TSEN15: variants seen among roughly 807,000 people sequenced by gnomAD.
The protein encoded by TSEN15 is tRNA splicing endonuclease subunit 15, also known as tRNA-splicing endonuclease subunit Sen15.
A neutral mutation model predicts 20.5 loss-of-function variants in TSEN15; 10 were observed. That is an observed-to-expected ratio of 0.49 (90% CI 0.30 to 0.83). The LOEUF (loss-of-function observed/expected upper bound fraction) is 0.83, where lower values mean the gene tolerates loss of function less well. Among genes scored for constraint, TSEN15 ranks in the 40% least tolerant of loss-of-function variants. TSEN15 has a pLI of 0.06. For missense variants in TSEN15, 180 were observed against 218.6 expected, an observed-to-expected ratio of 0.82 and a Z score of 1.11; for synonymous variants, 72 against 80.1, an observed-to-expected ratio of 0.90 and a Z score of 0.54.
chr1:184,062,299 A>G (rs1410868875), intron 3 of TSEN15, among the ~76,000 whole-genome samples: 1 of 152,134 alleles, frequency 6.6e-6, no homozygotes, highest in Non-Finnish European at 1.5e-5. Flanking sequence ...GCTAAATTGA[A>G]TCTAAGGAAT....
intron 3 of TSEN15, among the ~76,000 whole-genome samples, chr1:184,086,714 G>A (rs1224649818): frequency 1.3e-5 from 2 of 152,162 alleles, no homozygotes; most frequent in African/African-American, 2.4e-5. Flanking sequence ...TTCACTCAGA[G>A]CGAATGACCA....
At chr1:184,087,134 T>C (rs1651276702) in intron 3 of TSEN15, among the ~76,000 whole-genome samples, 1 of 152,130 alleles carries the variant, frequency 6.6e-6, no homozygotes, top group Non-Finnish European at 1.5e-5. Flanking sequence ...ATCTAGAACA[T>C]AATGCAAGCC....
chr1:184,082,736 G>A (rs1253076170), intron 3 of TSEN15, among the ~76,000 whole-genome samples: 3 of 152,072 alleles, frequency 2.0e-5, no homozygotes, highest in African/African-American at 7.2e-5. Context: ...TTAGGGGTAG[G>A]AAAAACTGAT....
chr1:184,052,771 G>T (rs1650102256), intron 1 of TSEN15, among the ~76,000 whole-genome samples: 1 of 152,106 alleles, frequency 6.6e-6, no homozygotes, highest in South Asian at 2.1e-4. Flanking sequence ...ACAATAGCAT[G>T]GAAATATTAT....
At chr1:184,066,550 C>T (rs535242970) in intron 3 of TSEN15, among the ~76,000 whole-genome samples, 43 of 151,988 alleles carry the variant, frequency 2.8e-4, no homozygotes, top group Middle Eastern at 3.4e-3. Context: ...GGACTACAGG[C>T]GCATACCACC....
intron 3 of TSEN15, among the ~76,000 whole-genome samples, chr1:184,070,321 G>A (rs1650836933): frequency 6.6e-6 from 1 of 151,994 alleles, no homozygotes; most frequent in Non-Finnish European, 1.5e-5. Context: ...TTAAAGTTGT[G>A]TTAACAGGCT....
At chr1:184,086,197 C>T (rs558434145) in intron 3 of TSEN15, among the ~76,000 whole-genome samples, 1 of 152,150 alleles carries the variant, frequency 6.6e-6, no homozygotes, top group Middle Eastern at 3.4e-3. Flanking sequence ...ACACAAAGTT[C>T]AAAATGTATT....
At chr1:184,087,668 T>C (rs576394155) in intron 3 of TSEN15, among the ~76,000 whole-genome samples, 1 of 152,170 alleles carries the variant, frequency 6.6e-6, no homozygotes, top group Non-Finnish European at 1.5e-5. Context: ...ACACTAAAGA[T>C]GGAGAGGAGC....
rs908390416 is a variant in TSEN15 at position 184,073,283 on chromosome 1, G to A, written c.*436G>A. 3 of 156,982 alleles carry A rather than the reference G, an allele frequency of 1.9e-5. No individual in the cohort carries two copies. Among genetic ancestry groups the A allele is most frequent in the African/African-American group, 4.8e-5 (2 of 41,686 alleles). 9.7% of individuals were successfully genotyped at this position (156,982 alleles called of 1,614,324 possible). ...GCTACCGTAGAATGGCATTTTATAT[G>A]TACCTTGTCACCCACTTCTGTTTAC... On this transcript the variant is annotated 3_prime_UTR_variant, in exon 5 of 5. Transcript: ENST00000645668.
chr1:184,064,938 A>C (rs1236368304), intron 3 of TSEN15, among the ~76,000 whole-genome samples: 1 of 152,192 alleles, frequency 6.6e-6, no homozygotes, highest in Non-Finnish European at 1.5e-5. Flanking sequence ...TCATCGATAT[A>C]CTGATGACTC....
chr1:184,094,751 A>G (rs193006148), intron 3 of TSEN15: 3 of 340,400 alleles, frequency 8.8e-6, no homozygotes, highest in East Asian at 8.9e-5. Context: ...TTCCCACCAC[A>G]CTGCCTGCCA....
At chr1:184,076,752 G>C (rs1187614371), downstream of TSEN15, among the ~76,000 whole-genome samples, 2 of 152,150 alleles carry the variant, frequency 1.3e-5, no homozygotes, top group Non-Finnish European at 2.9e-5. Flanking sequence ...TATGGAGAAA[G>C]TTTGAGTGGT....
rs553865547 is a variant in TSEN15, at chr1:184,071,568, G to A, written c.354-589G>A. ...GAATCAAGTTAGTATTAAGCTGAGA[G>A]AAATTGTGATAAACTAAGACGCAAT... On this transcript the variant is annotated intron_variant, in intron 3 of 4. Transcript: ENST00000645668. 7.2e-5 allele frequency among the ~76,000 whole-genome samples: 11 copies of A among 151,912 alleles called. 1 individual carries two copies. The highest frequency in any genetic ancestry group is 4.2e-4 in the South Asian group (2 of 4,814).
At chr1:184,087,456 C>T (rs1253238625) in intron 3 of TSEN15, among the ~76,000 whole-genome samples, 1 of 152,176 alleles carries the variant, frequency 6.6e-6, no homozygotes, top group Non-Finnish European at 1.5e-5. Flanking sequence ...CACCAAGAAC[C>T]ATAATCTGTA....
rs566040767 is a variant in TSEN15 at position 184,061,038 on chromosome 1, T to C, written c.353+6175T>C. 1.5e-3 allele frequency among the ~76,000 whole-genome samples: 225 copies of C among 152,334 alleles called. 2 individuals are homozygous for C. The highest frequency in any genetic ancestry group is 0.014 in the Middle Eastern group (4 of 294). On this transcript the variant is annotated intron_variant, in intron 3 of 4. Transcript: ENST00000645668. Reference sequence around the variant, plus strand: ...CCAAAATAGCCATTATTCTTTCTTTTATAGTAATAATGGGCTTTGGCCCAT... The same window carrying C: ...CCAAAATAGCCATTATTCTTTCTTTCATAGTAATAATGGGCTTTGGCCCAT...
intron 3 of TSEN15, among the ~76,000 whole-genome samples, chr1:184,087,200 T>C (rs945443664): frequency 6.6e-6 from 1 of 152,168 alleles, no homozygotes; most frequent in Non-Finnish European, 1.5e-5. Context: ...AAAAAGAAAA[T>C]ACATAATTTT....
chr1:184,070,223 T>C (rs1650833696), intron 3 of TSEN15, among the ~76,000 whole-genome samples: 1 of 151,964 alleles, frequency 6.6e-6, no homozygotes. Flanking sequence ...CCATATAGTT[T>C]TCCTTAGTGA....
At chr1:184,084,797 C>T (rs188556976) in intron 3 of TSEN15, among the ~76,000 whole-genome samples, 31 of 152,086 alleles carry the variant, frequency 2.0e-4, no homozygotes, top group Non-Finnish European at 1.8e-4. Flanking sequence ...GTCTAATCAC[C>T]TCTTAAATAT....
chr1:184,091,352 A>G (rs947838155), intron 3 of TSEN15, among the ~76,000 whole-genome samples: 1 of 152,058 alleles, frequency 6.6e-6, no homozygotes, highest in African/African-American at 2.4e-5. Flanking sequence ...ATAGTACAGT[A>G]TATATAGTCA....
Sources: gnomAD v4.1 joint callset for allele counts (sites outside exome capture counted in the v4.1 genomes callset) on GRCh38, gnomAD v4.1.1 for gene constraint, MANE v1.5 for transcripts, NCBI Gene and HGNC (gene_info 2026-07-23, HGNC 2026-07-21) for gene names.